The following COL12A1 variants were observed in gnomAD, a reference collection of about 807,000 sequenced individuals.
COL12A1 encodes the protein collagen alpha-1(XII) chain.
A neutral mutation model predicts 349.7 loss-of-function variants in COL12A1; 114 were observed. The observed-to-expected ratio is 0.33, with a 90% CI of 0.28 to 0.38. The LOEUF (loss-of-function observed/expected upper bound fraction) is 0.38, where lower values mean the gene tolerates loss of function less well. Among genes scored for constraint, COL12A1 ranks in the 10% least tolerant of loss-of-function variants. The pLI, the probability that COL12A1 is intolerant of heterozygous loss-of-function variation, is 1.00. For synonymous variants in COL12A1, 1,369 were observed against 1,329.0 expected, an observed-to-expected ratio of 1.03 and a Z score of -0.66; for missense variants, 3,284 against 3,756.9, an observed-to-expected ratio of 0.87 and a Z score of 3.29.
At position 75,113,214 on chromosome 6, in the gene COL12A1, C is replaced by A; in HGVS notation, c.7940G>T (p.Ser2647Ile). The change falls in exon 51 of 66, where the codon AGT becomes ATT. Residue 2647 changes from serine to isoleucine, a missense_variant. Physicochemically the swap from Ser to Ile is moderately radical, Grantham distance 142 (BLOSUM62 -2). Coordinates refer to ENST00000322507, the MANE Select transcript of COL12A1 (RefSeq NM_004370.6). The part of the protein sequence containing the change: ...TEEVKTLFYG[S>I]FHKVHIVVTS... ...ATCTTATGTTTTTACCTTGTGAAAA[C>A]TTCCATAAAATAATGTCTTTACTTC... 1 of 1,537,580 alleles carries A rather than the reference C, an allele frequency of 6.5e-7. No homozygotes were observed. The highest frequency in any genetic ancestry group is 8.8e-7 in the Non-Finnish European group (1 of 1,142,052).
intron 12 of COL12A1, among the ~76,000 whole-genome samples, chr6:75,177,189 C>A (rs1278043158): frequency 5.3e-5 from 8 of 152,254 alleles, no homozygotes; most frequent in African/African-American, 1.9e-4. Flanking sequence ...ATAATCCCAG[C>A]ACTTTGGGAG....
At chr6:75,164,691 A>T (rs905667218) in intron 14 of COL12A1, among the ~76,000 whole-genome samples, 1 of 152,160 alleles carries the variant, frequency 6.6e-6, no homozygotes, top group African/African-American at 2.4e-5. Context: ...AATATCCTTC[A>T]CCAAAGTGGT....
intron 13 of COL12A1, among the ~76,000 whole-genome samples, chr6:75,174,429 G>C (rs574272708): frequency 1.3e-5 from 2 of 152,108 alleles, no homozygotes; most frequent in African/African-American, 4.8e-5. Flanking sequence ...GGTGGCGGGC[G>C]CCTGTAGTCC....
intron 21 of COL12A1, among the ~76,000 whole-genome samples, chr6:75,148,770 T>C (rs1028673028): frequency 6.6e-6 from 1 of 152,098 alleles, no homozygotes; most frequent in Non-Finnish European, 1.5e-5. Context: ...TTACAAACTT[T>C]ACCAATTTAC....
At chr6:75,129,999 C>A in intron 37 of COL12A1, 92 bp downstream of exon 37, 1 of 1,428,972 alleles carries the variant, frequency 7.0e-7, no homozygotes, top group Non-Finnish European at 9.6e-7. Flanking sequence ...AAGGACTCAA[C>A]CGTACTCACA....
chr6:75,087,617 A>G lies in COL12A1; in HGVS notation c.9141T>C (p.Ser3047=). The change falls in exon 65 of 66, where the codon TCT becomes TCC. Residue 3047 remains serine, a synonymous_variant. Coordinates refer to ENST00000322507, the MANE Select transcript of COL12A1 (RefSeq NM_004370.6). ...PPGPPGYCDS[S]QCASIPYNGQ... ...CGTTGTATGGGATGCTGGCACACTG[A>G]GAAGAATCACAGTATCCAGGAGGAC... 6.2e-7 allele frequency: 1 copy of G among 1,613,936 alleles called. No individual in the cohort carries two copies. The highest frequency in any genetic ancestry group is 8.5e-7 in the Non-Finnish European group (1 of 1,179,890).
intron 12 of COL12A1, among the ~76,000 whole-genome samples, chr6:75,176,306 G>A (rs1318497197): frequency 6.6e-6 from 1 of 151,584 alleles, no homozygotes; most frequent in East Asian, 1.9e-4. Flanking sequence ...GTGTGAGGTG[G>A]GAGAGTGATG....
At chr6:75,170,256 T>C (rs992677540) in intron 13 of COL12A1, among the ~76,000 whole-genome samples, 3 of 152,230 alleles carry the variant, frequency 2.0e-5, no homozygotes, top group African/African-American at 7.2e-5. Context: ...CCAGCTTTCA[T>C]TGAGTTTCAT....
chr6:75,085,307 CGGCACGATGAAG>C lies in COL12A1; in HGVS notation c.*1228_*1239del, dbSNP rs1767433781. The C allele has an allele frequency of 2.1e-6, 1 of 470,992 alleles. No homozygotes were observed. The highest frequency in any genetic ancestry group is 4.4e-6 in the Non-Finnish European group (1 of 227,060). The allele number at this position is 470,992 out of a possible 1,614,324, so 29.2% of individuals were successfully genotyped here. On this transcript the variant is annotated 3_prime_UTR_variant, in exon 66 of 66. Transcript: ENST00000322507. ...ATTCCGCTGTCCGCTCGGGCTCCACCGGCACGATGAAGGGCTCGCGCTCAGGCAGGTAGGCCC... is the reference window on the plus strand; with the variant it reads ...ATTCCGCTGTCCGCTCGGGCTCCACCGGCTCGCGCTCAGGCAGGTAGGCCC...
intron 43 of COL12A1, 106 bp from the exon 44 acceptor site, chr6:75,121,547 G>A (rs1447303572): frequency 7.7e-7 from 1 of 1,294,994 alleles, no homozygotes; most frequent in African/African-American, 1.5e-5. Flanking sequence ...CGCAAAGTGT[G>A]GTTCTGCAGC....
intron 52 of COL12A1, 76 bp downstream of exon 52, chr6:75,108,942 C>T (rs1768696416): frequency 1.7e-5 from 25 of 1,434,824 alleles, no homozygotes; most frequent in Non-Finnish European, 2.2e-5. Context: ...TAAAATAAAA[C>T]TCAAGGAGTT....
In COL12A1 at chr6:75,134,014, TC is replaced by T; in HGVS notation, c.5525-18del. ...TTAGAGGTTCTGAAATGCACAGAAA[TC>T]CCATCACAGTATAATGCTAACAATC... On this transcript the variant is annotated intron_variant, in intron 32 of 65. Coordinates refer to ENST00000322507, the MANE Select transcript of COL12A1 (RefSeq NM_004370.6). The T allele has an allele frequency of 1.2e-6, 2 of 1,608,760 alleles. No individual in the cohort carries two copies. The highest frequency in any genetic ancestry group is 1.7e-6 in the Non-Finnish European group (2 of 1,177,300).
At chr6:75,164,800 AC>A (rs1768201771) in intron 14 of COL12A1, among the ~76,000 whole-genome samples, 1 of 152,074 alleles carries the variant, frequency 6.6e-6, no homozygotes, top group Admixed American at 6.6e-5. Context: ...CACATCTTTC[AC>A]CAGCCAGATG....
In COL12A1 at chr6:75,151,305, T is replaced by C. The variant is rs750348115; in HGVS notation, c.4001-18A>G. ...TTTAATACCTTCAAAAACGGATATA[T>C]ACAAATTAAAAGCACTTCTCAGAAA... On this transcript the variant is annotated intron_variant, in intron 20 of 65. Coordinates refer to ENST00000322507, the MANE Select transcript of COL12A1 (RefSeq NM_004370.6). 8.7e-6 allele frequency: 14 copies of C among 1,604,030 alleles called. No homozygotes were observed. The South Asian group carries it at 1.5e-4, about 17-fold the overall frequency.
chr6:75,195,143 A>G (rs1770155296), intron 2 of COL12A1, among the ~76,000 whole-genome samples, 196 bp from the exon 3 acceptor site: 1 of 152,218 alleles, frequency 6.6e-6, no homozygotes, highest in Non-Finnish European at 1.5e-5. Context: ...TACATATTAC[A>G]GAAGACAGCA....
intron 2 of COL12A1, among the ~76,000 whole-genome samples, chr6:75,202,023 C>T (rs565690123): frequency 7.0e-4 from 106 of 152,332 alleles, no homozygotes; most frequent in African/African-American, 2.6e-3. Context: ...GGCTGGAAAC[C>T]TTGGCCCAGG....
intron 7 of COL12A1, 29 bp from the exon 8 acceptor site, chr6:75,188,564 GA>G: frequency 6.2e-7 from 1 of 1,601,072 alleles, no homozygotes; most frequent in Non-Finnish European, 8.5e-7. Context: ...AGGACATATT[GA>G]AATGGGAAAT....
At position 75,119,751 on chromosome 6, in the gene COL12A1, G is replaced by T. The variant is rs636444; in HGVS notation, c.7087-278C>A. On this transcript the variant is annotated intron_variant, in intron 44 of 65. Transcript: ENST00000322507. Reference sequence around the variant, plus strand: ...GTGCCTTTCTCTAGGACATAGAAAGGGATGAATAAAGGTGGGGAGTGGTGA... The same window carrying T: ...GTGCCTTTCTCTAGGACATAGAAAGTGATGAATAAAGGTGGGGAGTGGTGA... Among the ~76,000 whole-genome samples, 10,499 of 152,146 alleles carry T rather than the reference G, an allele frequency of 0.069. 890 individuals carry two copies. The highest frequency in any genetic ancestry group is 0.2 in the East Asian group (1,020 of 5,174).
chr6:75,145,596 C>T, intron 24 of COL12A1, 141 bp from the exon 25 acceptor site: 1 of 773,116 alleles, frequency 1.3e-6, no homozygotes, highest in Non-Finnish European at 1.8e-6. Context: ...ATCTCCTTTT[C>T]CATGCTGATG....
Sources: gnomAD v4.1 joint callset for allele counts (sites outside exome capture counted in the v4.1 genomes callset) on GRCh38, gnomAD v4.1.1 for gene constraint, MANE v1.5 for transcripts, NCBI Gene and HGNC (gene_info 2026-07-23, HGNC 2026-07-21) for gene names.